Variants in CLUAP1 observed in about 807,000 individuals in gnomAD.
The protein encoded by CLUAP1 is intraflagellar transport 38.
Under a neutral mutation model 55.0 loss-of-function variants are expected in CLUAP1, and 50 were observed. The ratio of observed to expected loss-of-function variants is 0.91; its 90% CI spans 0.72 to 1.15. The LOEUF is 1.15. Ranked by LOEUF, CLUAP1 falls within the 50% of genes most tolerant of loss-of-function variation. CLUAP1 has a pLI of 0.00. For missense variants in CLUAP1, 530 were observed against 507.6 expected (o/e 1.04, Z -0.42); for synonymous variants, 195 against 175.4 (o/e 1.11, Z -0.88).
intron 2 of CLUAP1, among the ~76,000 whole-genome samples, chr16:3,505,823 T>C (rs1357745554): frequency 1.3e-5 from 2 of 152,242 alleles, no homozygotes; most frequent in East Asian, 1.9e-4. Context: ...CAGATAATAT[T>C]TTACCTTTTG....
In CLUAP1 at chr16:3,536,332, T is replaced by G. The variant is rs1435215673; in HGVS notation, c.*61T>G. The G allele has an allele frequency of 1.0e-5, 16 of 1,571,588 alleles. No individual in the cohort carries two copies. The East Asian group carries it at 3.2e-4, about 31-fold the overall frequency. ...TCAGACTTGTAGGTAAATGGGAACT[T>G]AGAAGGTTAGGAAGGTAACCCCTGT... On this transcript the variant is annotated 3_prime_UTR_variant, in exon 12 of 12. Coordinates refer to ENST00000576634, the MANE Select transcript of CLUAP1 (RefSeq NM_015041.3).
chr16:3,502,817 T>C (rs1490464685), intron 1 of CLUAP1, among the ~76,000 whole-genome samples: 2 of 152,204 alleles, frequency 1.3e-5, no homozygotes, highest in African/African-American at 4.8e-5. Context: ...CGGAATATTT[T>C]GATCTTAAAT....
In CLUAP1 at chr16:3,538,463, A is replaced by G. The variant is rs996919554; in HGVS notation, c.*2192A>G. ...CGTGGCTCTAAGATGCGGAAGAGTC[A>G]CTGCATCTTCTTGAATGTTACAGAT... On this transcript the variant is annotated 3_prime_UTR_variant, in exon 12 of 12. Coordinates refer to ENST00000576634, the MANE Select transcript of CLUAP1 (RefSeq NM_015041.3). 1 of 152,220 alleles carries G rather than the reference A, an allele frequency of 6.6e-6. No homozygotes were observed. The highest frequency in any genetic ancestry group is 1.5e-5 in the Non-Finnish European group (1 of 68,036). The allele number at this position is 152,220 out of a possible 1,614,324, so 9.4% of individuals were successfully genotyped here.
chr16:3,523,738 G>A (rs2037884483), intron 8 of CLUAP1, among the ~76,000 whole-genome samples: 1 of 152,212 alleles, frequency 6.6e-6, no homozygotes, highest in South Asian at 2.1e-4. Flanking sequence ...GCCAAGACGA[G>A]CGGATCACTT....
At chr16:3,522,850 A>G (rs921842565) in intron 7 of CLUAP1, among the ~76,000 whole-genome samples, 1 of 152,154 alleles carries the variant, frequency 6.6e-6, no homozygotes, top group Non-Finnish European at 1.5e-5. Flanking sequence ...GGAAGGATGT[A>G]TGTCAACTAT....
chr16:3,524,002 CA>C (rs2037890678), intron 8 of CLUAP1, among the ~76,000 whole-genome samples: 1 of 152,016 alleles, frequency 6.6e-6, no homozygotes, highest in Non-Finnish European at 1.5e-5. Flanking sequence ...AGTCAGTTCA[CA>C]TAAAGATTTT....
chr16:3,501,434 A>T (rs1442037894), intron 1 of CLUAP1, among the ~76,000 whole-genome samples: 1 of 152,254 alleles, frequency 6.6e-6, no homozygotes, highest in Non-Finnish European at 1.5e-5. Context: ...GTATTGGAAA[A>T]TGCATGGAGA....
At chr16:3,531,500 C>A (rs1307192671) in intron 10 of CLUAP1, among the ~76,000 whole-genome samples, 15 of 150,624 alleles carry the variant, frequency 1.0e-4, no homozygotes, top group Non-Finnish European at 1.3e-4. Flanking sequence ...CCAGCCTGGG[C>A]GACAGAGTGA....
chr16:3,497,984 T>C (rs1484572370), upstream of CLUAP1, among the ~76,000 whole-genome samples: 1 of 152,012 alleles, frequency 6.6e-6, no homozygotes, highest in African/African-American at 2.4e-5. Context: ...GGATATTGGC[T>C]TATGTGATTA....
At chr16:3,514,038 A>C (rs542604289) in intron 5 of CLUAP1, among the ~76,000 whole-genome samples, 1 of 152,284 alleles carries the variant, frequency 6.6e-6, no homozygotes, top group East Asian at 1.9e-4. Flanking sequence ...GCAGAATGAA[A>C]CTGCCACTGA....
In CLUAP1 at chr16:3,526,429, C is replaced by G; in HGVS notation, c.873C>G (p.Leu291=). 1 of 1,606,754 alleles carries G rather than the reference C, an allele frequency of 6.2e-7. No individual in the cohort carries two copies. Among genetic ancestry groups the G allele is most frequent in the South Asian group, 1.1e-5 (1 of 89,408 alleles). The change falls in exon 9 of 12, where the codon CTC becomes CTG. Residue 291 remains leucine (L), a synonymous_variant. Transcript: ENST00000576634. ...TTCCACAGGAAGCTAAAAACACTCTCTGCCTGATACAGAACAAGCTCAAGG... is the reference window on the plus strand; with the variant it reads ...TTCCACAGGAAGCTAAAAACACTCTGTGCCTGATACAGAACAAGCTCAAGG... The part of the protein sequence containing the change: ...QERFEEAKNT[L]CLIQNKLKEE...
chr16:3,524,477 A>T (rs777269638), intron 8 of CLUAP1, among the ~76,000 whole-genome samples: 29 of 150,746 alleles, frequency 1.9e-4, no homozygotes, highest in Non-Finnish European at 3.7e-4. Context: ...GGCACCTGTA[A>T]TCCCAGCTAC....
intron 4 of CLUAP1, among the ~76,000 whole-genome samples, 197 bp from the exon 5 acceptor site, chr16:3,512,186 C>CAAA (rs1210287851): frequency 1.3e-5 from 1 of 79,898 alleles, no homozygotes; most frequent in Non-Finnish European, 2.7e-5. Context: ...AACTCCGTCT[C>CAAA]AAAAAAAAAA....
In CLUAP1 at chr16:3,530,618, G is replaced by A; in HGVS notation, c.979G>A (p.Glu327Lys). ...CCAGGAGGACGATGAATCCGACAGT[G>A]AGTTGGAAGAAAGGCGGCTGCCCAA... is the stretch of plus-strand genomic sequence containing the variant. ...DIQEDDESDSELEERRLPKPQ... is the reference protein window; with the variant it reads ...DIQEDDESDSKLEERRLPKPQ... Residue 327 changes from glutamate to lysine, a missense_variant, in exon 10 of 12, where the codon GAG (glutamate) becomes AAG (lysine). Glu to Lys is a moderately conservative substitution (Grantham distance 56). Coordinates refer to ENST00000576634, the MANE Select transcript of CLUAP1 (RefSeq NM_015041.3). The A allele has an allele frequency of 6.2e-7, 1 of 1,614,024 alleles. No homozygotes were observed. The highest frequency in any genetic ancestry group is 8.5e-7 in the Non-Finnish European group (1 of 1,179,982).
chr16:3,534,839 G>A (rs927744513), intron 11 of CLUAP1: 2 of 152,278 alleles, frequency 1.3e-5, no homozygotes, highest in Non-Finnish European at 2.9e-5. Flanking sequence ...ACAGCCACAT[G>A]CTAGGGTTGA....
At position 3,536,958 on chromosome 16, in the gene CLUAP1, G is replaced by C. The variant is rs1191383393; in HGVS notation, c.*687G>C. 6.6e-6 allele frequency: 1 copy of C among 152,348 alleles called. No homozygotes were observed. The highest frequency in any genetic ancestry group is 1.9e-4 in the East Asian group (1 of 5,188). The allele number at this position is 152,348 out of a possible 1,614,324, so 9.4% of individuals were successfully genotyped here. A position where few individuals can be genotyped will look rare whatever the true frequency, so the allele number is the denominator to read the frequency against. ...AAGCTGACATTCCTCTGGCAGTCCA[G>C]TTCACCTTGGATTACAGCCACCTTC... On this transcript the variant is annotated 3_prime_UTR_variant, in exon 12 of 12. Coordinates refer to ENST00000576634, the MANE Select transcript of CLUAP1 (RefSeq NM_015041.3).
At chr16:3,519,631 G>A (rs1393246100) in intron 6 of CLUAP1, among the ~76,000 whole-genome samples, 4 of 152,196 alleles carry the variant, frequency 2.6e-5, no homozygotes, top group African/African-American at 9.7e-5. Flanking sequence ...CCTTGACCAG[G>A]ACACTCTTCT....
intron 6 of CLUAP1, among the ~76,000 whole-genome samples, chr16:3,517,006 A>G (rs549732829): frequency 2.6e-5 from 4 of 152,368 alleles, no homozygotes; most frequent in South Asian, 2.1e-4. Flanking sequence ...ATGGTATAAT[A>G]GAATGAAATA....
intron 5 of CLUAP1, among the ~76,000 whole-genome samples, chr16:3,513,742 G>A (rs138585974): frequency 9.8e-5 from 15 of 152,296 alleles, no homozygotes; most frequent in Admixed American, 7.2e-4. Flanking sequence ...GAGCCACTGC[G>A]TCTGGCCTAG....
Sources: gnomAD v4.1 joint callset for allele counts (sites outside exome capture counted in the v4.1 genomes callset) on GRCh38, gnomAD v4.1.1 for gene constraint, MANE v1.5 for transcripts, NCBI Gene and HGNC (gene_info 2026-07-23, HGNC 2026-07-21) for gene names.